Variants in OLFML2B observed in about 807,000 individuals in gnomAD.
OLFML2B encodes olfactomedin-like protein 2B.
A neutral mutation model predicts 74.9 loss-of-function variants in OLFML2B; 57 were observed. That is an observed-to-expected ratio of 0.76 (90% CI 0.61 to 0.95). The LOEUF is 0.95. Ranked by LOEUF, OLFML2B falls within the 40% of genes least tolerant of loss-of-function variation. OLFML2B has a pLI of 0.00. For synonymous variants in OLFML2B, 388 were observed against 405.8 expected (o/e 0.96, Z 0.53); for missense variants, 986 against 970.6 (o/e 1.02, Z -0.21).
chr1:162,002,165 C>T (rs1041443651), intron 4 of OLFML2B, among the ~76,000 whole-genome samples: 7 of 152,234 alleles, frequency 4.6e-5, no homozygotes, highest in Admixed American at 4.6e-4. Context: ...GTCAGGGCCA[C>T]CCCACAGGTG....
intron 4 of OLFML2B, among the ~76,000 whole-genome samples, chr1:162,004,875 C>A (rs145337573): frequency 1.3e-5 from 2 of 152,358 alleles, no homozygotes; most frequent in East Asian, 3.9e-4. Context: ...CAACTGGAAC[C>A]CACTCCCTGG....
intron 1 of OLFML2B, among the ~76,000 whole-genome samples, chr1:162,020,538 T>A (rs1690674661): frequency 6.6e-6 from 1 of 151,980 alleles, no homozygotes; most frequent in African/African-American, 2.4e-5. Context: ...TTTTCTTTTT[T>A]TTTTTTGAGA....
intron 4 of OLFML2B, among the ~76,000 whole-genome samples, chr1:162,004,357 C>T (rs1690161790): frequency 6.6e-6 from 1 of 152,310 alleles, no homozygotes; most frequent in Non-Finnish European, 1.5e-5. Context: ...CTGTCAGGGA[C>T]ACCCAAAAAT....
Position 162,020,011 on chromosome 1 carries a change from A to G in OLFML2B, c.346T>C (p.Cys116Arg), listed in dbSNP as rs763526481. The G allele has an allele frequency of 2.5e-6, 4 of 1,614,206 alleles. No individual in the cohort carries two copies. The highest frequency in any genetic ancestry group is 2.5e-6 in the Non-Finnish European group (3 of 1,180,030). Residue 116 changes from cysteine (C) to arginine (R), a missense_variant, in exon 2 of 8, where the codon TGT becomes CGT. Physicochemically the swap from Cys to Arg is radical, Grantham distance 180 (BLOSUM62 -3). Coordinates refer to ENST00000294794, the MANE Select transcript of OLFML2B (RefSeq NM_015441.3). ...GCCGATGGGGGTGCTACACAGGCAC[A>G]CTTGCACGACGAGCCTGAGGTGATG... Reference protein sequence around the residue: ...ETITSGSSCKCACVAPPSALN... With the variant: ...ETITSGSSCKRACVAPPSALN...
At chr1:161,985,618 T>G (rs1245889883) in intron 6 of OLFML2B, among the ~76,000 whole-genome samples, 1 of 152,176 alleles carries the variant, frequency 6.6e-6, no homozygotes, top group Non-Finnish European at 1.5e-5. Flanking sequence ...TGCCAGCTGC[T>G]GAGCTGCCCC....
intron 4 of OLFML2B, among the ~76,000 whole-genome samples, chr1:162,004,411 A>G (rs1372639322): frequency 6.6e-6 from 1 of 152,228 alleles, no homozygotes; most frequent in Non-Finnish European, 1.5e-5. Flanking sequence ...TTTCCAAAAA[A>G]GCACCAAAGT....
At chr1:162,000,619 G>A (rs1690057200) in intron 4 of OLFML2B, among the ~76,000 whole-genome samples, 1 of 152,228 alleles carries the variant, frequency 6.6e-6, no homozygotes, top group Admixed American at 6.5e-5. Flanking sequence ...ACAGGTAAGT[G>A]GTAAGGCAGA....
In OLFML2B at chr1:161,997,966, C is replaced by T. The variant is rs1467003514; in HGVS notation, c.1333G>A (p.Glu445Lys). 6.2e-7 allele frequency: 1 copy of T among 1,614,232 alleles called. No individual in the cohort carries two copies. Among genetic ancestry groups the T allele is most frequent in the Non-Finnish European group, 8.5e-7 (1 of 1,180,036 alleles). Residue 445 changes from glutamate to lysine, a missense_variant, in exon 6 of 8, where the codon GAA (glutamate) becomes AAA (lysine). Glu to Lys is a moderately conservative substitution (Grantham distance 56). Transcript: ENST00000294794. ...PAVSPREALM[E>K]AMHTVPVPPT... ...GGCACTGGGACTGTGTGCATAGCTT[C>T]CATCAATGCCTCCCTGGGAGACACT...
chr1:161,995,751 G>A (rs999923905), intron 6 of OLFML2B, among the ~76,000 whole-genome samples: 1 of 152,194 alleles, frequency 6.6e-6, no homozygotes, highest in Non-Finnish European at 1.5e-5. Flanking sequence ...TGTCTTCACT[G>A]TTAGCATTCT....
intron 6 of OLFML2B, among the ~76,000 whole-genome samples, chr1:161,995,535 T>C (rs1254630559): frequency 6.6e-6 from 1 of 152,098 alleles, no homozygotes; most frequent in Non-Finnish European, 1.5e-5. Context: ...GTTATAAGTG[T>C]CCCTGAAAAC....
chr1:162,007,641 A>G (rs1690270743), intron 3 of OLFML2B, among the ~76,000 whole-genome samples: 1 of 152,216 alleles, frequency 6.6e-6, no homozygotes, highest in African/African-American at 2.4e-5. Context: ...AAAAGCTGAC[A>G]TTGCCAGGCA....
At position 161,997,987 on chromosome 1, in the gene OLFML2B, A is replaced by T. The variant is rs778794796; in HGVS notation, c.1312T>A (p.Ser438Thr). The T allele has an allele frequency of 9.3e-6, 15 of 1,613,970 alleles. No homozygotes were observed. Among genetic ancestry groups the T allele is most frequent in the Non-Finnish European group, 1.3e-5 (15 of 1,180,012 alleles). ...GCTTCCATCAATGCCTCCCTGGGAG[A>T]CACTGCCGGAGGAGCTGGGGCTGCT... ...QPAAPAPPAV[S>T]PREALMEAMH... The change falls in exon 6 of 8, where the codon TCT (serine) becomes ACT (threonine). Residue 438 changes from serine (S) to threonine (T), a missense_variant. Coordinates refer to ENST00000294794, the MANE Select transcript of OLFML2B (RefSeq NM_015441.3).
intron 2 of OLFML2B, among the ~76,000 whole-genome samples, chr1:162,018,476 G>A (rs998292822): frequency 2.0e-5 from 3 of 152,272 alleles, no homozygotes; most frequent in East Asian, 3.9e-4. Flanking sequence ...GAAAGACATC[G>A]ACAGGTTCTC....
At chr1:161,990,649 G>A (rs1375717389) in intron 6 of OLFML2B, among the ~76,000 whole-genome samples, 2 of 152,222 alleles carry the variant, frequency 1.3e-5, no homozygotes, top group Non-Finnish European at 1.5e-5. Flanking sequence ...TTGATCAGAG[G>A]AGTGGATGCT....
intron 6 of OLFML2B, among the ~76,000 whole-genome samples, chr1:161,986,958 T>C (rs1689608936): frequency 6.6e-6 from 1 of 152,234 alleles, no homozygotes; most frequent in Non-Finnish European, 1.5e-5. Flanking sequence ...AGATGGACTC[T>C]TGAAAGCCAG....
intron 1 of OLFML2B, 68 bp from the exon 2 acceptor site, chr1:162,020,250 C>G: frequency 6.4e-7 from 1 of 1,554,130 alleles, no homozygotes; most frequent in Non-Finnish European, 8.8e-7. Context: ...GAAGGAGGCT[C>G]TCCATTTACT....
chr1:162,009,268 G>A (rs1204629705), intron 3 of OLFML2B, among the ~76,000 whole-genome samples: 4 of 152,344 alleles, frequency 2.6e-5, no homozygotes, highest in Admixed American at 1.3e-4. Context: ...TCTGAGGAGC[G>A]GACTGAGGAG....
In OLFML2B at chr1:162,000,206, T is replaced by G; in HGVS notation, c.856A>C (p.Arg286=). The change falls in exon 5 of 8, where the codon AGA becomes CGA. Residue 286 remains arginine (R), a synonymous_variant. Coordinates refer to ENST00000294794, the MANE Select transcript of OLFML2B (RefSeq NM_015441.3). ...GTGGGCTGGGAGGCCGGCCGGCCTCTCAGGTGGACCTGCCTCTGCAGGGGC... is the reference window on the plus strand; with the variant it reads ...GTGGGCTGGGAGGCCGGCCGGCCTCGCAGGTGGACCTGCCTCTGCAGGGGC... ...QRPLQRQVHL[R]GRPASQPTVI... 6.2e-7 allele frequency: 1 copy of G among 1,613,852 alleles called. No individual in the cohort carries two copies. Among genetic ancestry groups the G allele is most frequent in the Non-Finnish European group, 8.5e-7 (1 of 1,179,940 alleles).
Position 162,023,681 on chromosome 1 carries a change from A to G in OLFML2B, c.-251T>C. ...AGCCGGACGCAAGGAAGAGGGGATG[A>G]CGGAGAAGGTGGAGGCGGGCACGGG... On this transcript the variant is annotated 5_prime_UTR_variant, in exon 1 of 8. Coordinates refer to ENST00000294794, the MANE Select transcript of OLFML2B (RefSeq NM_015441.3). The G allele has an allele frequency of 3.2e-6, 1 of 310,538 alleles. No homozygotes were observed. Among genetic ancestry groups the G allele is most frequent in the Non-Finnish European group, 5.9e-6 (1 of 170,680 alleles). 19.2% of individuals were successfully genotyped at this position (310,538 alleles called of 1,614,324 possible). A position where few individuals can be genotyped will look rare whatever the true frequency, so the allele number is the denominator to read the frequency against.
Sources: allele counts gnomAD v4.1 joint callset (sites outside exome capture counted in the v4.1 genomes callset), GRCh38; gene constraint gnomAD v4.1.1; transcripts MANE v1.5; gene names NCBI Gene and HGNC (gene_info 2026-07-23, HGNC 2026-07-21).